RGS18: variants seen among roughly 807,000 people sequenced by gnomAD.
RGS18 encodes the protein regulator of G-protein signaling 18.
Under a neutral mutation model 27.6 loss-of-function variants are expected in RGS18, and 22 were observed. That is an observed-to-expected ratio of 0.80 (90% CI 0.57 to 1.14). The LOEUF (loss-of-function observed/expected upper bound fraction) is 1.14, where lower values mean the gene tolerates loss of function less well. RGS18 is among the 50% of genes most tolerant of loss of function. RGS18 has a pLI of 0.00. For missense variants in RGS18, 299 were observed against 269.6 expected (o/e 1.11, Z -0.76); for synonymous variants, 89 against 84.6 (o/e 1.05, Z -0.29).
chr1:192,181,399 A>G lies in RGS18; in HGVS notation c.391A>G (p.Ile131Val). 6.3e-7 allele frequency: 1 copy of G among 1,592,998 alleles called. No homozygotes were observed. The highest frequency in any genetic ancestry group is 1.4e-5 in the African/African-American group (1 of 73,832). ...DFKKSKGPQQ[I>V]HLKAKAIYEK... ...CAAGAAAAGCAAGGGACCTCAACAAATTCACCTTAAAGCAAAAGCAATATA... is the reference window on the plus strand; with the variant it reads ...CAAGAAAAGCAAGGGACCTCAACAAGTTCACCTTAAAGCAAAAGCAATATA... Residue 131 changes from isoleucine to valine, a missense_variant, in exon 4 of 5, where the codon ATT becomes GTT. Ile to Val is a conservative substitution (Grantham distance 29). Coordinates refer to ENST00000367460, the MANE Select transcript of RGS18 (RefSeq NM_130782.3).
intron 4 of RGS18, among the ~76,000 whole-genome samples, chr1:192,182,740 C>G (rs1656477828): frequency 1.3e-5 from 2 of 151,546 alleles, no homozygotes; most frequent in African/African-American, 4.8e-5. Context: ...GATTCATTCA[C>G]TTATTCATAT....
chr1:192,166,979 A>G (rs1487066353), intron 3 of RGS18, among the ~76,000 whole-genome samples: 2 of 152,202 alleles, frequency 1.3e-5, no homozygotes, highest in Non-Finnish European at 2.9e-5. Context: ...CAATCTTTCC[A>G]CTACTACGTA....
intron 3 of RGS18, chr1:192,168,262 A>G (rs1232986819): frequency 8.2e-6 from 1 of 122,418 alleles, no homozygotes; most frequent in Non-Finnish European, 1.9e-5. Context: ...ATTGCACATT[A>G]CTTTAAAAAA....
intron 3 of RGS18, among the ~76,000 whole-genome samples, chr1:192,172,752 A>T (rs549643393): frequency 1.3e-5 from 2 of 151,602 alleles, no homozygotes; most frequent in South Asian, 4.2e-4. Context: ...AACGTCCTGA[A>T]CTATATTTAG....
At chr1:192,170,677 A>G (rs187729935) in intron 3 of RGS18, among the ~76,000 whole-genome samples, 1 of 152,226 alleles carries the variant, frequency 6.6e-6, no homozygotes, top group Non-Finnish European at 1.5e-5. Context: ...TAGAAAAAAA[A>G]AAAAGACAAG....
At chr1:192,165,968 A>G (rs1156568922) in intron 3 of RGS18, among the ~76,000 whole-genome samples, 2 of 152,220 alleles carry the variant, frequency 1.3e-5, no homozygotes, top group African/African-American at 4.8e-5. Flanking sequence ...GTAATAAATC[A>G]AAAATGAAAT....
chr1:192,166,577 C>A (rs564446883), intron 3 of RGS18, among the ~76,000 whole-genome samples: 1 of 150,704 alleles, frequency 6.6e-6, no homozygotes, highest in African/African-American at 2.4e-5. Context: ...AGTAAGGACC[C>A]GCTTAGAAAA....
rs560462444 is a variant in RGS18, at chr1:192,176,719, A to G, written c.284-4573A>G. On this transcript the variant is annotated intron_variant, in intron 3 of 4. Transcript: ENST00000367460. ...AGTGTCTGGAACACAGCATGTGATC[A>G]ATATTGTTTCAATGAATTAATGAGT... Among the ~76,000 whole-genome samples, 205 of 151,850 alleles carry G rather than the reference A, an allele frequency of 1.4e-3. 1 individual carries two copies. Among genetic ancestry groups the G allele is most frequent in the African/African-American group, 4.7e-3 (196 of 41,492 alleles).
At position 192,181,348 on chromosome 1, in the gene RGS18, G is replaced by A; in HGVS notation, c.340G>A (p.Glu114Lys). The stretch of plus-strand genomic sequence containing the variant: ...AACTGAATTCAGTGAAGAAAATATT[G>A]AATTTTGGATAGCCTGTGAAGATTT... ...LKTEFSEENI[E>K]FWIACEDFKK... Residue 114 changes from glutamate to lysine, a missense_variant, in exon 4 of 5, where the codon GAA becomes AAA. Transcript: ENST00000367460. 2 of 1,584,466 alleles carry A rather than the reference G, an allele frequency of 1.3e-6. No individual in the cohort carries two copies. Among genetic ancestry groups the A allele is most frequent in the Middle Eastern group, 1.7e-4 (1 of 5,968 alleles).
intron 3 of RGS18, among the ~76,000 whole-genome samples, chr1:192,161,793 T>G (rs1656077911): frequency 6.6e-6 from 1 of 152,236 alleles, no homozygotes; most frequent in South Asian, 2.1e-4. Context: ...GTGGAATATT[T>G]GTAATTCACC....
intron 1 of RGS18, 52 bp from the exon 2 acceptor site, chr1:192,159,168 A>C: frequency 1.5e-6 from 2 of 1,328,248 alleles, no homozygotes; most frequent in East Asian, 2.3e-5. Context: ...TCAGCAGGAG[A>C]GATTTTAACT....
At chr1:192,163,905 TAC>T (rs150767336) in intron 3 of RGS18, among the ~76,000 whole-genome samples, 2,785 of 150,446 alleles carry the variant, frequency 0.019, 88 homozygotes, top group African/African-American at 0.063. Flanking sequence ...AGAAAGATCC[TAC>T]ACACACACAC....
intron 3 of RGS18, among the ~76,000 whole-genome samples, chr1:192,175,447 T>A (rs928102810): frequency 1.3e-5 from 2 of 151,890 alleles, no homozygotes; most frequent in Non-Finnish European, 2.9e-5. Context: ...CCTCTTGATT[T>A]TTTTTCTGAT....
intron 4 of RGS18, among the ~76,000 whole-genome samples, chr1:192,183,589 C>T (rs1428314135): frequency 6.6e-6 from 1 of 151,396 alleles, no homozygotes; most frequent in Non-Finnish European, 1.5e-5. Flanking sequence ...AAATGCTAGT[C>T]AAGAATAGAG....
intron 3 of RGS18, among the ~76,000 whole-genome samples, chr1:192,172,864 C>CATATAT (rs549568195): frequency 0.043 from 5,761 of 135,420 alleles, 171 homozygotes; most frequent in Middle Eastern, 0.11. Flanking sequence ...GAAAAATATG[C>CATATAT]ATATATATAT....
chr1:192,171,871 T>A (rs1327153292), intron 3 of RGS18, among the ~76,000 whole-genome samples: 1 of 152,116 alleles, frequency 6.6e-6, no homozygotes, highest in Non-Finnish European at 1.5e-5. Flanking sequence ...GTTGCTGCTA[T>A]ATCAACTTAC....
intron 3 of RGS18, among the ~76,000 whole-genome samples, chr1:192,172,938 T>G (rs1212162098): frequency 6.7e-6 from 1 of 148,804 alleles, no homozygotes. Flanking sequence ...CTTATCTGAA[T>G]CTCAGTTTTC....
intron 2 of RGS18, among the ~76,000 whole-genome samples, chr1:192,159,945 A>C (rs1035346784): frequency 6.6e-6 from 1 of 152,086 alleles, no homozygotes; most frequent in African/African-American, 2.4e-5. Context: ...CGTTTAAAAA[A>C]AAAATTTGCA....
chr1:192,181,578 A>C, intron 4 of RGS18, 120 bp downstream of exon 4: 1 of 649,464 alleles, frequency 1.5e-6, no homozygotes, highest in Non-Finnish European at 2.4e-6. Flanking sequence ...TATAATTGAC[A>C]TGTAATAATT....
Sources: gnomAD v4.1 joint callset for allele counts (sites outside exome capture counted in the v4.1 genomes callset) on GRCh38, gnomAD v4.1.1 for gene constraint, MANE v1.5 for transcripts, NCBI Gene and HGNC (gene_info 2026-07-23, HGNC 2026-07-21) for gene names.